Variants in FAM20C observed in about 807,000 individuals in gnomAD.
FAM20C encodes the protein FAM20C golgi associated secretory pathway kinase.
A neutral mutation model predicts 51.5 loss-of-function variants in FAM20C; 40 were observed. The observed-to-expected ratio is 0.78, with a 90% CI of 0.60 to 1.01. FAM20C has a LOEUF of 1.01. FAM20C is among the 50% of genes least tolerant of loss of function. The pLI, the probability that FAM20C is intolerant of heterozygous loss-of-function variation, is 0.00. For synonymous variants in FAM20C, 406 were observed against 380.6 expected (o/e 1.07, Z -0.78); for missense variants, 861 against 844.7 (o/e 1.02, Z -0.24).
intron 1 of FAM20C, among the ~76,000 whole-genome samples, chr7:195,090 G>A (rs768669238): frequency 1.3e-5 from 2 of 152,226 alleles, no homozygotes; most frequent in Non-Finnish European, 2.9e-5. Context: ...CAAAAGCAGA[G>A]AGCTGGGGAA....
At chr7:203,560 A>G (rs1013440178) in intron 2 of FAM20C, among the ~76,000 whole-genome samples, 162 of 152,180 alleles carry the variant, frequency 1.1e-3, no homozygotes, top group African/African-American at 3.7e-3. Context: ...AGGAGACTGT[A>G]TCTGATTTTA....
chr7:243,944 A>AATTATTATTATTATTATTATT (rs1554254464), intron 3 of FAM20C, among the ~76,000 whole-genome samples: 1 of 136,846 alleles, frequency 7.3e-6, no homozygotes, highest in African/African-American at 2.7e-5. Context: ...TAATAATAAT[A>AATTATTATTATTATTATTATT]ATTATTATTA....
chr7:254,734 C>A (rs145720356), intron 5 of FAM20C, among the ~76,000 whole-genome samples: 1 of 152,202 alleles, frequency 6.6e-6, no homozygotes, highest in African/African-American at 2.4e-5. Flanking sequence ...AAAGGAGCCC[C>A]GTACCATGAG....
At position 232,116 on chromosome 7, in the gene FAM20C, G is replaced by A. The variant is rs148626909; in HGVS notation, c.864-14299G>A. Among the ~76,000 whole-genome samples the A allele has an allele frequency of 9.1e-3, 1,390 of 152,312 alleles. 21 individuals carry two copies. The highest frequency in any genetic ancestry group is 0.024 in the Middle Eastern group (7 of 294). On this transcript the variant is annotated intron_variant, in intron 3 of 9. Transcript: ENST00000313766. The stretch of plus-strand genomic sequence containing the variant: ...TGGACGCCCCTTTCCCTGCTCGGCC[G>A]CCGGCCCAGCTGGGTAGCAGCGGGA...
intron 3 of FAM20C, among the ~76,000 whole-genome samples, chr7:232,620 G>T (rs1438936137): frequency 6.6e-6 from 1 of 152,216 alleles, no homozygotes; most frequent in Non-Finnish European, 1.5e-5. Flanking sequence ...CAAAGCAAAC[G>T]TTTTCTATTT....
intron 8 of FAM20C, 83 bp from the exon 9 acceptor site, chr7:258,563 G>A: frequency 7.2e-7 from 1 of 1,394,002 alleles, no homozygotes; most frequent in South Asian, 1.2e-5. Context: ...CAGGCAGGTG[G>A]ACCCATGGCC....
intron 2 of FAM20C, among the ~76,000 whole-genome samples, chr7:196,068 TCTGGCGGCGGTGACCC>T (rs573431303): frequency 2.8e-4 from 42 of 152,270 alleles, no homozygotes; most frequent in African/African-American, 1.0e-3. Flanking sequence ...GAGGGGTATC[TCTGGCGGCGGTGACCC>T]CTCCACCGGA....
chr7:234,183 G>A (rs904301161), intron 3 of FAM20C, among the ~76,000 whole-genome samples: 29 of 152,332 alleles, frequency 1.9e-4, no homozygotes, highest in African/African-American at 7.0e-4. Flanking sequence ...GAGCCTTCCC[G>A]GGCTCGGCCG....
At position 193,623 on chromosome 7, in the gene FAM20C, G is replaced by C. The variant is rs1440241738; in HGVS notation, c.424G>C (p.Asp142His). ...HDPAHRPLLRDPGPRRSESPP... is the reference protein window; with the variant it reads ...HDPAHRPLLRHPGPRRSESPP... ...CCCCGCGCACCGGCCGCTGCTGCGA[G>C]ACCCCGGCCCGCGTCGGTCCGAGTC... Residue 142 changes from aspartate to histidine, a missense_variant, in exon 1 of 10, where the codon GAC becomes CAC. Transcript: ENST00000313766. 1 of 1,536,874 alleles carries C rather than the reference G, an allele frequency of 6.5e-7. No individual in the cohort carries two copies. The highest frequency in any genetic ancestry group is 8.8e-7 in the Non-Finnish European group (1 of 1,141,986).
At chr7:230,027 C>T (rs1787598377) in intron 3 of FAM20C, among the ~76,000 whole-genome samples, 1 of 152,100 alleles carries the variant, frequency 6.6e-6, no homozygotes, top group Non-Finnish European at 1.5e-5. Context: ...CTTCCGCGAC[C>T]CTCTGGAAGG....
intron 3 of FAM20C, among the ~76,000 whole-genome samples, chr7:242,597 C>T (rs1270395178): frequency 6.6e-6 from 1 of 152,054 alleles, no homozygotes; most frequent in Non-Finnish European, 1.5e-5. Context: ...GGACAGTGGG[C>T]AGACACCAGA....
At chr7:195,279 C>G (rs1317069728) in intron 1 of FAM20C, 2 of 377,560 alleles carry the variant, frequency 5.3e-6, no homozygotes, top group African/African-American at 4.1e-5. Flanking sequence ...CGCTGACGTC[C>G]TGGAATTAGT....
intron 3 of FAM20C, among the ~76,000 whole-genome samples, chr7:211,849 G>A (rs1786732935): frequency 1.3e-5 from 2 of 152,198 alleles, no homozygotes; most frequent in South Asian, 2.1e-4. Context: ...GGCACGTGGC[G>A]GGCGGAGGCA....
Position 192,673 on chromosome 7 carries a change from C to T in FAM20C, c.-527C>T, listed in dbSNP as rs545106583. On this transcript the variant is annotated 5_prime_UTR_variant, in exon 1 of 10. Coordinates refer to ENST00000313766, the MANE Select transcript of FAM20C (RefSeq NM_020223.4). Reference sequence around the variant, plus strand: ...CCCACCCCTTCCGCCCTTCGCCCCCCCCTTCCCCCCAGCCCCGGTCTCCCG... The same window carrying T: ...CCCACCCCTTCCGCCCTTCGCCCCCTCCTTCCCCCCAGCCCCGGTCTCCCG... Among the ~76,000 whole-genome samples the T allele has an allele frequency of 1.1e-3, 166 of 149,824 alleles. No individual in the cohort carries two copies. Among genetic ancestry groups the T allele is most frequent in the Non-Finnish European group, 1.7e-3 (112 of 66,972 alleles).
chr7:208,388 T>C (rs1435305064), intron 2 of FAM20C, among the ~76,000 whole-genome samples: 1 of 133,278 alleles, frequency 7.5e-6, no homozygotes. Context: ...TATGGGTATG[T>C]ACATGACTGT....
chr7:257,001 G>T lies in FAM20C; in HGVS notation c.1364-4G>T, dbSNP rs778317529. 20 of 1,536,938 alleles carry T rather than the reference G, an allele frequency of 1.3e-5. No individual in the cohort carries two copies. In the African/African-American group the frequency reaches 2.2e-4, roughly 17 times the overall value. ...GCTGTGACACTTTCTGCCTCTCTCC[G>T]CAGGAAACATGGACCGTCACCACTA... On this transcript the variant is annotated splice_region_variant and splice_polypyrimidine_tract_variant and intron_variant, in intron 7 of 9. Coordinates refer to ENST00000313766, the MANE Select transcript of FAM20C (RefSeq NM_020223.4).
At chr7:194,085 G>A in intron 1 of FAM20C, 1 of 407,704 alleles carries the variant, frequency 2.5e-6, no homozygotes. Context: ...ACCAGCCGTG[G>A]TCACCAGCTT....
At chr7:257,171 G>C in intron 8 of FAM20C, 85 bp downstream of exon 8, 1 of 1,302,148 alleles carries the variant, frequency 7.7e-7, no homozygotes, top group Non-Finnish European at 1.1e-6. Context: ...CCTGGGGACG[G>C]GGGGAGCAGA....
At chr7:249,003 G>T (rs1420600789) in intron 5 of FAM20C, among the ~76,000 whole-genome samples, 1 of 152,230 alleles carries the variant, frequency 6.6e-6, no homozygotes, top group Non-Finnish European at 1.5e-5. Context: ...CAGCTTCAAG[G>T]TGCCACCATC....
Sources: gnomAD v4.1 joint callset for allele counts (sites outside exome capture counted in the v4.1 genomes callset) on GRCh38, gnomAD v4.1.1 for gene constraint, MANE v1.5 for transcripts, NCBI Gene and HGNC (gene_info 2026-07-23, HGNC 2026-07-21) for gene names.